Variants in MLLT10 observed in about 807,000 individuals in gnomAD.
MLLT10 encodes the protein MLLT10 histone lysine methyltransferase DOT1L cofactor, also known as protein AF-10.
A neutral mutation model predicts 129.1 loss-of-function variants in MLLT10; 30 were observed. That is an observed-to-expected ratio of 0.23 (90% CI 0.17 to 0.32). The LOEUF (loss-of-function observed/expected upper bound fraction) is 0.32, where lower values mean the gene tolerates loss of function less well. Among genes scored for constraint, MLLT10 ranks in the 10% least tolerant of loss-of-function variants. MLLT10 has a pLI of 1.00. For missense variants in MLLT10, 1,119 were observed against 1,268.3 expected (o/e 0.88, Z 1.79); for synonymous variants, 490 against 446.4 (o/e 1.10, Z -1.23).
At chr10:21,685,814 A>G (rs2053241521) in intron 13 of MLLT10, among the ~76,000 whole-genome samples, 1 of 152,246 alleles carries the variant, frequency 6.6e-6, no homozygotes, top group African/African-American at 2.4e-5. Flanking sequence ...TATTCCCAAG[A>G]ATATATATGG....
At chr10:21,715,389 C>G (rs2056465713) in intron 14 of MLLT10, among the ~76,000 whole-genome samples, 1 of 152,152 alleles carries the variant, frequency 6.6e-6, no homozygotes, top group Non-Finnish European at 1.5e-5. Context: ...ACTACTTTAG[C>G]AGAGTTTTTC....
chr10:21,733,494 A>G lies in MLLT10; in HGVS notation c.2408-10A>G. On this transcript the variant is annotated splice_polypyrimidine_tract_variant and intron_variant, in intron 18 of 22. Transcript: ENST00000307729. ...GTAAATAGGTTTCTTTTTGTCTTTT[A>G]TTATTCTAGCTCCTACTACTGATTC... 6.7e-7 allele frequency: 1 copy of G among 1,483,778 alleles called. No individual in the cohort carries two copies. Among genetic ancestry groups the G allele is most frequent in the Non-Finnish European group, 9.0e-7 (1 of 1,114,438 alleles). The allele number at this position is 1,483,778 out of a possible 1,614,324, so 91.9% of individuals were successfully genotyped here.
At chr10:21,593,345 T>C (rs2042695691) in intron 4 of MLLT10, among the ~76,000 whole-genome samples, 1 of 152,122 alleles carries the variant, frequency 6.6e-6, no homozygotes, top group Non-Finnish European at 1.5e-5. Context: ...CGCCTCAGCC[T>C]TCCAAAGTGC....
At chr10:21,653,130 C>T (rs1255671580) in intron 9 of MLLT10, among the ~76,000 whole-genome samples, 5 of 152,182 alleles carry the variant, frequency 3.3e-5, no homozygotes. Flanking sequence ...ACAACATAAA[C>T]TTACTAGTCG....
At chr10:21,539,118 T>A (rs1448804953) in intron 3 of MLLT10, among the ~76,000 whole-genome samples, 1 of 152,256 alleles carries the variant, frequency 6.6e-6, no homozygotes, top group East Asian at 1.9e-4. Context: ...ATATTTTGGA[T>A]ACTTTGAAAA....
chr10:21,558,291 T>A (rs1383400455), intron 3 of MLLT10, among the ~76,000 whole-genome samples: 2 of 151,980 alleles, frequency 1.3e-5, no homozygotes, highest in Non-Finnish European at 2.9e-5. Flanking sequence ...TTGTCCTTTA[T>A]TGTAGACTGC....
intron 8 of MLLT10, among the ~76,000 whole-genome samples, chr10:21,650,668 C>T (rs997263777): frequency 3.9e-5 from 6 of 151,988 alleles, no homozygotes; most frequent in African/African-American, 1.5e-4. Flanking sequence ...AAATTTCACA[C>T]CCAATACTGT....
Position 21,731,030 on chromosome 10 carries a change from C to T in MLLT10, c.2194C>T (p.Leu732=), listed in dbSNP as rs750262626. The T allele has an allele frequency of 6.2e-7, 1 of 1,613,712 alleles. No individual in the cohort carries two copies. Among genetic ancestry groups the T allele is most frequent in the Non-Finnish European group, 8.5e-7 (1 of 1,179,860 alleles). The stretch of plus-strand genomic sequence containing the variant: ...GTGGAGTGAAGGACAGCAATTTTTA[C>T]TAGAACAGGGTACTCCTAGTGACAG... ...RQWSEGQQFL[L]EQGTPSDILG... Residue 732 remains leucine, a synonymous_variant, in exon 17 of 23, where the codon CTA becomes TTA. Transcript: ENST00000307729.
Position 21,621,239 on chromosome 10 carries a change from C to T in MLLT10, c.699+4032C>T, listed in dbSNP as rs1044231704. 3.0e-4 allele frequency among the ~76,000 whole-genome samples: 44 copies of T among 146,372 alleles called. No homozygotes were observed. In the South Asian group the frequency reaches 6.9e-3, roughly 23 times the overall value. Reference sequence around the variant, plus strand: ...TCGATCTCCTGACCTCGTGATCCGCCCCCCGCTCCCCTTTTTTTTTTTTGA... The same window carrying T: ...TCGATCTCCTGACCTCGTGATCCGCTCCCCGCTCCCCTTTTTTTTTTTTGA... On this transcript the variant is annotated intron_variant, in intron 8 of 22. Transcript: ENST00000307729.
chr10:21,650,485 A>G (rs916897273), intron 8 of MLLT10, among the ~76,000 whole-genome samples: 6 of 152,286 alleles, frequency 3.9e-5, no homozygotes, highest in East Asian at 3.9e-4. Context: ...TTTTGGGGGT[A>G]TTAAAGTAAA....
intron 8 of MLLT10, chr10:21,624,807 G>T: frequency 9.3e-7 from 1 of 1,075,136 alleles, no homozygotes; most frequent in Non-Finnish European, 1.4e-6. Context: ...ATTGCCCTGA[G>T]ATCCACGGGA....
intron 13 of MLLT10, among the ~76,000 whole-genome samples, chr10:21,701,489 A>G (rs1273946908): frequency 6.6e-6 from 1 of 151,906 alleles, no homozygotes; most frequent in African/African-American, 2.4e-5. Flanking sequence ...GCTGTATCAC[A>G]TAGGTTTTGG....
chr10:21,723,212 C>G (rs1331695912), intron 14 of MLLT10, among the ~76,000 whole-genome samples: 1 of 152,040 alleles, frequency 6.6e-6, no homozygotes, highest in Admixed American at 6.5e-5. Flanking sequence ...GTGCCATACT[C>G]CTTTCTATTT....
At chr10:21,635,745 A>G (rs1589358002) in intron 8 of MLLT10, among the ~76,000 whole-genome samples, 2 of 142,294 alleles carry the variant, frequency 1.4e-5, no homozygotes, top group Admixed American at 1.4e-4. Flanking sequence ...TTTTTTTTTG[A>G]GATGTAGTTT....
At chr10:21,619,604 A>G (rs573163808) in intron 8 of MLLT10, among the ~76,000 whole-genome samples, 1 of 152,348 alleles carries the variant, frequency 6.6e-6, no homozygotes, top group South Asian at 2.1e-4. Flanking sequence ...TTTAATATTT[A>G]GAAGTATGTA....
chr10:21,638,268 G>GGGC (rs1554827289), intron 8 of MLLT10, among the ~76,000 whole-genome samples: 63 of 102,566 alleles, frequency 6.1e-4, no homozygotes, highest in Middle Eastern at 9.6e-3. Context: ...GGGGGGAGGG[G>GGGC]GGCGGGGGCA....
At chr10:21,728,206 G>T (rs1329671708) in intron 16 of MLLT10, among the ~76,000 whole-genome samples, 1 of 152,046 alleles carries the variant, frequency 6.6e-6, no homozygotes, top group Non-Finnish European at 1.5e-5. Context: ...AATTCTTTTT[G>T]ATCATAAAAT....
At chr10:21,592,950 T>A (rs1342476766) in intron 4 of MLLT10, among the ~76,000 whole-genome samples, 1 of 152,214 alleles carries the variant, frequency 6.6e-6, no homozygotes, top group Non-Finnish European at 1.5e-5. Flanking sequence ...GTGTGTTAGA[T>A]CTGCCTGCCT....
intron 3 of MLLT10, among the ~76,000 whole-genome samples, chr10:21,569,258 A>T (rs1281819172): frequency 6.6e-6 from 1 of 151,876 alleles, no homozygotes; most frequent in Admixed American, 6.6e-5. Flanking sequence ...TGCTATTAGT[A>T]TCATTCCTTT....
Sources: gnomAD v4.1 joint callset for allele counts (sites outside exome capture counted in the v4.1 genomes callset) on GRCh38, gnomAD v4.1.1 for gene constraint, MANE v1.5 for transcripts, NCBI Gene and HGNC (gene_info 2026-07-23, HGNC 2026-07-21) for gene names.